The following TCF25 variants were observed in gnomAD, a reference collection of about 807,000 sequenced individuals.
TCF25 encodes the protein ribosome quality control complex subunit TCF25.
In TCF25, 41 loss-of-function variants were observed where a neutral mutation model predicts 83.1. The ratio of observed to expected loss-of-function variants is 0.49; its 90% confidence interval spans 0.38 to 0.64. The LOEUF is 0.64. TCF25 is among the 30% of genes least tolerant of loss of function. The pLI is 0.00. For missense variants in TCF25, 979 were observed against 914.5 expected, an observed-to-expected ratio of 1.07 and a Z score of -0.91; for synonymous variants, 458 against 365.0, an observed-to-expected ratio of 1.25 and a Z score of -2.90.
intron 1 of TCF25, among the ~76,000 whole-genome samples, chr16:89,876,794 C>T (rs1195493676): frequency 5.9e-5 from 9 of 151,994 alleles, no homozygotes; most frequent in South Asian, 4.2e-4. Flanking sequence ...CCGGGTGTGG[C>T]GGCGGGAGCC....
chr16:89,887,421 C>T (rs1049501344), intron 4 of TCF25, among the ~76,000 whole-genome samples: 3 of 152,230 alleles, frequency 2.0e-5, no homozygotes, highest in Admixed American at 2.0e-4. Context: ...CCTCTTGACA[C>T]AGCACTCACC....
intron 14 of TCF25, among the ~76,000 whole-genome samples, chr16:89,905,873 C>A (rs993046665): frequency 6.6e-6 from 1 of 152,258 alleles, no homozygotes; most frequent in Non-Finnish European, 1.5e-5. Flanking sequence ...TGGTGACACA[C>A]CCAGGTGTCC....
intron 15 of TCF25, 85 bp downstream of exon 15, chr16:89,906,369 G>T: frequency 7.4e-7 from 1 of 1,352,364 alleles, no homozygotes; most frequent in African/African-American, 1.4e-5. Flanking sequence ...ACATGCAGGC[G>T]TGCGTGGTGC....
chr16:89,893,700 AC>A (rs1567715696), intron 6 of TCF25, 27 bp from the exon 7 acceptor site: 2 of 1,612,866 alleles, frequency 1.2e-6, no homozygotes, highest in East Asian at 4.5e-5. Context: ...CTCCCGGCAC[AC>A]CCTCCCTGAG....
intron 1 of TCF25, among the ~76,000 whole-genome samples, chr16:89,876,436 T>A (rs1216266393): frequency 1.3e-5 from 2 of 152,108 alleles, no homozygotes; most frequent in African/African-American, 4.8e-5. Flanking sequence ...TTTAAAAAAT[T>A]TTATTTATTT....
At chr16:89,904,767 C>G in intron 13 of TCF25, 171 bp from the exon 14 acceptor site, 2 of 771,720 alleles carry the variant, frequency 2.6e-6, no homozygotes, top group Non-Finnish European at 4.5e-6. Context: ...CGGCACATAC[C>G]TGTGTGCCCC....
At chr16:89,887,183 A>G (rs541443844) in intron 4 of TCF25, among the ~76,000 whole-genome samples, 3 of 152,108 alleles carry the variant, frequency 2.0e-5, no homozygotes, top group African/African-American at 7.2e-5. Flanking sequence ...ACAGGTGTGA[A>G]CCACCACGTC....
intron 11 of TCF25, among the ~76,000 whole-genome samples, 168 bp downstream of exon 11, chr16:89,899,040 G>A (rs116138794): frequency 2.2e-4 from 34 of 152,316 alleles, no homozygotes; most frequent in Middle Eastern, 3.4e-3. Context: ...CCGCCTCTAC[G>A]GAGTGGAATG....
chr16:89,885,557 C>G (rs1307910548), intron 3 of TCF25, among the ~76,000 whole-genome samples: 2 of 152,202 alleles, frequency 1.3e-5, no homozygotes, highest in African/African-American at 2.4e-5. Context: ...GTTGGAGCCA[C>G]AAGTCCCAAC....
At chr16:89,883,969 C>T in intron 2 of TCF25, 1 of 178,808 alleles carries the variant, frequency 5.6e-6, no homozygotes, top group Non-Finnish European at 1.2e-5. Context: ...ATGCAGACAG[C>T]CTGCTGCTGT....
intron 5 of TCF25, chr16:89,889,320 G>A (rs963432560): frequency 5.3e-5 from 16 of 302,454 alleles, no homozygotes; most frequent in African/African-American, 7.0e-5. Context: ...TGGGACTACC[G>A]GCACATGCCA....
At chr16:89,910,695 C>T (rs1212913013) in intron 17 of TCF25, 32 bp downstream of exon 17, 1 of 1,606,196 alleles carries the variant, frequency 6.2e-7, no homozygotes, top group South Asian at 1.1e-5. Flanking sequence ...CCCTGCCTCC[C>T]CAGTGGGTGC....
In TCF25 at chr16:89,896,028, C is replaced by G; in HGVS notation, c.967C>G (p.Leu323Val). The G allele has an allele frequency of 6.2e-7, 1 of 1,613,956 alleles. No homozygotes were observed. Among genetic ancestry groups the G allele is most frequent in the Non-Finnish European group, 8.5e-7 (1 of 1,180,004 alleles). The change falls in exon 9 of 18, where the codon CTG becomes GTG. Residue 323 changes from leucine (L) to valine (V), a missense_variant. Leu to Val is a conservative substitution (Grantham distance 32). Coordinates refer to ENST00000263346, the MANE Select transcript of TCF25 (RefSeq NM_014972.3). ...LYSMECAFHP[L>V]FSLTSGACRL... Reference sequence around the variant, plus strand: ...CAGCATGGAATGTGCGTTCCACCCCCTGTTCAGTCTCACCAGTGGGGCCTG... The same window carrying G: ...CAGCATGGAATGTGCGTTCCACCCCGTGTTCAGTCTCACCAGTGGGGCCTG...
chr16:89,892,214 G>A lies in TCF25; in HGVS notation c.636G>A (p.Val212=), dbSNP rs774711631. 17 of 1,612,374 alleles carry A rather than the reference G, an allele frequency of 1.1e-5. No homozygotes were observed. Among genetic ancestry groups the A allele is most frequent in the South Asian group, 8.8e-5 (8 of 90,890 alleles). The change falls in exon 6 of 18, where the codon GTG becomes GTA. Residue 212 remains valine (V), a synonymous_variant. Transcript: ENST00000263346. ...CCAGGCCACGGCAGAGACAACGTGT[G>A]TACCCCAAGTGCACATGGCTGACCA... ...GEQRPRQRQR[V]YPKCTWLTTP...
Position 89,883,443 on chromosome 16 carries a change from A to G in TCF25, c.285A>G (p.Gly95=), listed in dbSNP as rs189239780. Residue 95 remains glycine, a synonymous_variant, in exon 2 of 18, where the codon GGA becomes GGG. Coordinates refer to ENST00000263346, the MANE Select transcript of TCF25 (RefSeq NM_014972.3). ...LTDAVAPGNK[G]RGQRGNTESK... Reference sequence around the variant, plus strand: ...ACGCTGTGGCACCAGGGAACAAAGGAAGGGGTCAGCGTGGAAACACAGAGA... The same window carrying G: ...ACGCTGTGGCACCAGGGAACAAAGGGAGGGGTCAGCGTGGAAACACAGAGA... The G allele has an allele frequency of 2.4e-5, 38 of 1,613,660 alleles. No individual in the cohort carries two copies. The Admixed American group carries it at 4.5e-4, about 19-fold the overall frequency.
Position 89,898,665 on chromosome 16 carries a change from G to C in TCF25, c.1115+16G>C. 1 of 1,612,532 alleles carries C rather than the reference G, an allele frequency of 6.2e-7. No homozygotes were observed. The highest frequency in any genetic ancestry group is 8.5e-7 in the Non-Finnish European group (1 of 1,179,846). On this transcript the variant is annotated intron_variant, in intron 10 of 17. Transcript: ENST00000263346. Reference sequence around the variant, plus strand: ...TCATCCTGAGGTGAGTGTCTGCTCAGGGCCAAGCCCGTCCACGCTCCCTGT... The same window carrying C: ...TCATCCTGAGGTGAGTGTCTGCTCACGGCCAAGCCCGTCCACGCTCCCTGT...
chr16:89,889,552 CTTT>C (rs773150311), intron 5 of TCF25: 17 of 143,432 alleles, frequency 1.2e-4, no homozygotes, highest in South Asian at 2.1e-4. Context: ...CGTCTGAGTT[CTTT>C]TTTTTTTTTT....
At position 89,892,398 on chromosome 16, in the gene TCF25, G is replaced by T. The variant is rs899547216; in HGVS notation, c.697+123G>T. The T allele has an allele frequency of 9.0e-5, 99 of 1,098,218 alleles. 1 individual carries two copies. Among genetic ancestry groups the T allele is most frequent in the Non-Finnish European group, 1.2e-4 (95 of 771,480 alleles). The allele number at this position is 1,098,218 out of a possible 1,614,324, so 68.0% of individuals were successfully genotyped here. ...GCTGGGGGTGGAGGGCGGCGGGGGGGTGTGTTCTGTGCACTGGCCTGCGCT... is the reference window on the plus strand; with the variant it reads ...GCTGGGGGTGGAGGGCGGCGGGGGGTTGTGTTCTGTGCACTGGCCTGCGCT... On this transcript the variant is annotated intron_variant, in intron 6 of 17. Coordinates refer to ENST00000263346, the MANE Select transcript of TCF25 (RefSeq NM_014972.3).
At chr16:89,903,035 TAAG>T (rs1040413976) in intron 12 of TCF25, among the ~76,000 whole-genome samples, 10 of 152,304 alleles carry the variant, frequency 6.6e-5, no homozygotes, top group Admixed American at 5.9e-4. Flanking sequence ...CCCCTGTGTC[TAAG>T]AAGCACCTTT....
Sources: gnomAD v4.1 joint callset for allele counts (sites outside exome capture counted in the v4.1 genomes callset) on GRCh38, gnomAD v4.1.1 for gene constraint, MANE v1.5 for transcripts, NCBI Gene and HGNC (gene_info 2026-07-23, HGNC 2026-07-21) for gene names.